IGF1R: variants seen among roughly 807,000 people sequenced by gnomAD.
IGF1R encodes insulin-like growth factor 1 receptor.
Under a neutral mutation model 144.6 loss-of-function variants are expected in IGF1R, and 44 were observed. The ratio of observed to expected loss-of-function variants is 0.30; its 90% CI spans 0.24 to 0.39. The LOEUF (loss-of-function observed/expected upper bound fraction) is 0.39. IGF1R is among the 10% of genes least tolerant of loss of function. The pLI, the probability that IGF1R is intolerant of heterozygous loss-of-function variation, is 1.00. For missense variants in IGF1R, 1,355 were observed against 1,833.7 expected (o/e 0.74, Z 4.77); for synonymous variants, 795 against 722.8 (o/e 1.10, Z -1.60).
At position 98,838,832 on chromosome 15, in the gene IGF1R, G is replaced by A. The variant is rs149850579; in HGVS notation, c.641-52493G>A. ...GAGGCTCTGTCATCCAGCCCCAGCT[G>A]TCCTCTTGTGATCACTCAGCAGACC... On this transcript the variant is annotated intron_variant, in intron 2 of 20. Coordinates refer to ENST00000650285, the MANE Select transcript of IGF1R (RefSeq NM_000875.5). Among the ~76,000 whole-genome samples the A allele has an allele frequency of 4.1e-3, 628 of 152,336 alleles. 3 individuals carry two copies. Among genetic ancestry groups the A allele is most frequent in the Non-Finnish European group, 5.6e-3 (381 of 68,030 alleles).
In IGF1R at chr15:98,957,800, A is replaced by G. The variant is rs891518523; in HGVS notation, c.*358A>G. The G allele has an allele frequency of 2.0e-5, 7 of 347,284 alleles. No individual in the cohort carries two copies. The highest frequency in any genetic ancestry group is 1.3e-4 in the Admixed American group (3 of 22,622). 21.5% of individuals were successfully genotyped at this position (347,284 alleles called of 1,614,324 possible). A position where few individuals can be genotyped will look rare whatever the true frequency, so the allele number is the denominator to read the frequency against. ...CTCCTCTCTGCTTCATAACGGAAAA[A>G]TAATTGCCACAAGTCCAGCTGGGAA... On this transcript the variant is annotated 3_prime_UTR_variant, in exon 21 of 21. Coordinates refer to ENST00000650285, the MANE Select transcript of IGF1R (RefSeq NM_000875.5).
At chr15:98,937,281 T>C (rs1019091644) in intron 17 of IGF1R, among the ~76,000 whole-genome samples, 1 of 152,180 alleles carries the variant, frequency 6.6e-6, no homozygotes. Context: ...CCAGCATCGA[T>C]TGAGGCACCT....
At position 98,876,314 on chromosome 15, in the gene IGF1R, T is replaced by TAAAA. The variant is rs35359680; in HGVS notation, c.641-15001_641-14998dup. Among the ~76,000 whole-genome samples, 1,014 of 143,846 alleles carry TAAAA rather than the reference T, an allele frequency of 7.0e-3. 3 individuals are homozygous for TAAAA. Among genetic ancestry groups the TAAAA allele is most frequent in the South Asian group, 0.017 (76 of 4,524 alleles). 94.4% of individuals were successfully genotyped at this position (143,846 alleles called of 152,430 possible). A position where few individuals can be genotyped will look rare whatever the true frequency, so the allele number is the denominator to read the frequency against. On this transcript the variant is annotated intron_variant, in intron 2 of 20. Coordinates refer to ENST00000650285, the MANE Select transcript of IGF1R (RefSeq NM_000875.5). Reference sequence around the variant, plus strand: ...ACAAAAAAAGAAAACTATTAAGAGTTAAAAAAAAAAAAAGAGAGAGAGAGT... The same window carrying TAAAA: ...ACAAAAAAAGAAAACTATTAAGAGTTAAAAAAAAAAAAAAAAAGAGAGAGAGAGT...
Position 98,648,671 on chromosome 15 carries a change from G to A in IGF1R, c.-911G>A, listed in dbSNP as rs1040861601. On this transcript the variant is annotated 5_prime_UTR_variant, in exon 1 of 21. Coordinates refer to ENST00000650285, the MANE Select transcript of IGF1R (RefSeq NM_000875.5). Reference sequence around the variant, plus strand: ...CGCACCAGGCGAACTCGAGAGAGGCGGGAGAGCGAGAGGGACGCCGCCAGC... The same window carrying A: ...CGCACCAGGCGAACTCGAGAGAGGCAGGAGAGCGAGAGGGACGCCGCCAGC... Among the ~76,000 whole-genome samples, 1 of 146,958 alleles carries A rather than the reference G, an allele frequency of 6.8e-6. No individual in the cohort carries two copies. The highest frequency in any genetic ancestry group is 2.4e-5 in the African/African-American group (1 of 40,854).
chr15:98,741,086 T>C (rs2054728768), intron 2 of IGF1R, among the ~76,000 whole-genome samples: 1 of 152,226 alleles, frequency 6.6e-6, no homozygotes. Context: ...AATTGTGGGT[T>C]GACTTCATGT....
intron 1 of IGF1R, among the ~76,000 whole-genome samples, chr15:98,684,459 G>GA (rs574278166): frequency 6.7e-5 from 10 of 150,108 alleles, no homozygotes; most frequent in Non-Finnish European, 8.9e-5. Context: ...ATTGAAATTG[G>GA]AAAAAAAAAT....
Position 98,935,495 on chromosome 15 carries a change from C to T in IGF1R, c.3297+69C>T, listed in dbSNP as rs1464991079. The T allele has an allele frequency of 3.4e-6, 3 of 878,786 alleles. No individual in the cohort carries two copies. The highest frequency in any genetic ancestry group is 5.6e-6 in the Non-Finnish European group (3 of 531,664). 54.4% of individuals were successfully genotyped at this position (878,786 alleles called of 1,614,324 possible). On this transcript the variant is annotated intron_variant, in intron 17 of 20. Transcript: ENST00000650285. This position sits in a 1 kb window ranked among gnomAD's most constrained non-coding sequence, Gnocchi z 4.2. ...TCTCTTTTCCTTTATAATCTCCCTG[C>T]AAGGAAATGCTGTGTCTTTAAATCA...
chr15:98,691,566 G>A (rs1274549490), intron 1 of IGF1R, among the ~76,000 whole-genome samples: 1 of 152,040 alleles, frequency 6.6e-6, no homozygotes, highest in African/African-American at 2.4e-5. Context: ...GTTTCACCAG[G>A]TTGGGCAGGC....
chr15:98,796,228 G>A (rs1168950802), intron 2 of IGF1R, among the ~76,000 whole-genome samples: 1 of 152,124 alleles, frequency 6.6e-6, no homozygotes, highest in African/African-American at 2.4e-5. Flanking sequence ...AGTAGACTGT[G>A]TGTGTCTCAG....
chr15:98,770,281 C>CA (rs1290656844), intron 2 of IGF1R, among the ~76,000 whole-genome samples: 1 of 151,984 alleles, frequency 6.6e-6, no homozygotes, highest in East Asian at 1.9e-4. Flanking sequence ...TACGTGGGAG[C>CA]AAAAAAAGTT....
chr15:98,767,442 G>C (rs1305779770), intron 2 of IGF1R, among the ~76,000 whole-genome samples: 1 of 152,120 alleles, frequency 6.6e-6, no homozygotes, highest in Non-Finnish European at 1.5e-5. Flanking sequence ...GTGGGGCTTG[G>C]TTTGTGCTGT....
At chr15:98,823,818 T>C (rs1162618381) in intron 2 of IGF1R, among the ~76,000 whole-genome samples, 1 of 152,070 alleles carries the variant, frequency 6.6e-6, no homozygotes, top group African/African-American at 2.4e-5. Context: ...CCAGAAAATA[T>C]TTCTCACCCT....
At chr15:98,733,059 CAGAA>C (rs909703673) in intron 2 of IGF1R, among the ~76,000 whole-genome samples, 7 of 152,186 alleles carry the variant, frequency 4.6e-5, no homozygotes, top group Non-Finnish European at 8.8e-5. Flanking sequence ...AGCTGCTACA[CAGAA>C]AGATGTCTAC....
chr15:98,885,254 A>C lies in IGF1R; in HGVS notation c.641-6071A>C, dbSNP rs138517668. ...ACCTACCTGAGGCCTGACTGCTAAA[A>C]TCAAAAGAAGCCTTTCTCATTTGCT... On this transcript the variant is annotated intron_variant, in intron 2 of 20. Coordinates refer to ENST00000650285, the MANE Select transcript of IGF1R (RefSeq NM_000875.5). Among the ~76,000 whole-genome samples, 1,018 of 152,274 alleles carry C rather than the reference A, an allele frequency of 6.7e-3. 9 individuals are homozygous for C. The highest frequency in any genetic ancestry group is 0.024 in the African/African-American group (979 of 41,562).
intron 18 of IGF1R, 93 bp from the exon 19 acceptor site, chr15:98,942,830 G>A (rs180836176): frequency 3.2e-5 from 49 of 1,543,524 alleles, no homozygotes; most frequent in Admixed American, 1.3e-4. Context: ...CTTGCCTTGC[G>A]TCTCTCCACA....
At chr15:98,868,371 G>GT (rs1491283017) in intron 2 of IGF1R, among the ~76,000 whole-genome samples, 2 of 18,564 alleles carry the variant, frequency 1.1e-4, no homozygotes, top group Non-Finnish European at 2.8e-4. Flanking sequence ...TTTTTTTTTT[G>GT]GGGGGGGGGT....
chr15:98,741,340 G>T (rs1053546491), intron 2 of IGF1R, among the ~76,000 whole-genome samples: 1 of 146,744 alleles, frequency 6.8e-6, no homozygotes. Context: ...TAGATGCTAC[G>T]TATAGAAGTG....
At chr15:98,753,551 G>C (rs1247122683) in intron 2 of IGF1R, among the ~76,000 whole-genome samples, 2 of 151,664 alleles carry the variant, frequency 1.3e-5, no homozygotes, top group Non-Finnish European at 2.9e-5. Context: ...TATAAATTTT[G>C]ATATAAATTC....
chr15:98,927,996 A>AGGAG (rs1390291483), intron 13 of IGF1R, among the ~76,000 whole-genome samples: 1 of 152,198 alleles, frequency 6.6e-6, no homozygotes, highest in Non-Finnish European at 1.5e-5. Flanking sequence ...TCCTTAGCTC[A>AGGAG]GTCAGTGGTC....
Sources: allele counts gnomAD v4.1 joint callset (sites outside exome capture counted in the v4.1 genomes callset), GRCh38; gene constraint gnomAD v4.1.1; non-coding constraint Gnocchi (gnomAD v3.1); transcripts MANE v1.5; gene names NCBI Gene and HGNC (gene_info 2026-07-23, HGNC 2026-07-21).